Variants in TYW1 observed in about 807,000 individuals in gnomAD.
TYW1 encodes the protein S-adenosyl-L-methionine-dependent tRNA 4-demethylwyosine synthase TYW1.
Under a neutral mutation model 96.2 loss-of-function variants are expected in TYW1, and 46 were observed. The observed-to-expected ratio is 0.48, with a 90% confidence interval of 0.38 to 0.61. The LOEUF (loss-of-function observed/expected upper bound fraction) is 0.61. Ranked by LOEUF, TYW1 falls within the 20% of genes least tolerant of loss-of-function variation. TYW1 has a pLI of 0.00. For missense variants in TYW1, 684 were observed against 909.6 expected, an observed-to-expected ratio of 0.75 and a Z score of 3.19; for synonymous variants, 274 against 323.0, an observed-to-expected ratio of 0.85 and a Z score of 1.63.
At chr7:67,078,026 A>G (rs865912171) in intron 10 of TYW1, among the ~76,000 whole-genome samples, 5 of 151,800 alleles carry the variant, frequency 3.3e-5, no homozygotes, top group Non-Finnish European at 7.4e-5. Context: ...TGTTGAGTCT[A>G]TGTGTCTGTT....
chr7:67,063,068 T>A (rs1795746697), intron 9 of TYW1, among the ~76,000 whole-genome samples: 1 of 152,054 alleles, frequency 6.6e-6, no homozygotes, highest in Non-Finnish European at 1.5e-5. Context: ...CAAATTGAAT[T>A]CAGCCAAGTA....
At chr7:67,193,255 C>T (rs115344588) in intron 14 of TYW1, among the ~76,000 whole-genome samples, 10,068 of 152,176 alleles carry the variant, frequency 0.066, 429 homozygotes, top group South Asian at 0.11. Context: ...TCTAAATCAC[C>T]GGGCAAACTG....
chr7:67,127,412 G>A (rs180714405), intron 13 of TYW1, among the ~76,000 whole-genome samples: 3 of 152,030 alleles, frequency 2.0e-5, no homozygotes, highest in Admixed American at 1.3e-4. Flanking sequence ...CACCTGGCTC[G>A]GCCTCCCAAA....
chr7:67,144,460 C>T (rs187106782), intron 13 of TYW1, among the ~76,000 whole-genome samples: 51 of 149,726 alleles, frequency 3.4e-4, no homozygotes, highest in Admixed American at 1.3e-3. Flanking sequence ...TTTTCCACTA[C>T]AACATCTCTT....
At chr7:67,187,691 G>A (rs537804995) in intron 14 of TYW1, among the ~76,000 whole-genome samples, 1 of 152,258 alleles carries the variant, frequency 6.6e-6, no homozygotes, top group South Asian at 2.1e-4. Context: ...ATTTTAATTT[G>A]CATTTTAAAT....
At chr7:67,217,086 A>G (rs1236421514) in intron 15 of TYW1, among the ~76,000 whole-genome samples, 3 of 150,596 alleles carry the variant, frequency 2.0e-5, no homozygotes, top group African/African-American at 4.9e-5. Flanking sequence ...GTCCATTTCT[A>G]TATCTTCTTT....
chr7:67,071,153 A>G (rs558761243), intron 10 of TYW1, among the ~76,000 whole-genome samples: 1 of 151,608 alleles, frequency 6.6e-6, no homozygotes, highest in South Asian at 2.1e-4. Flanking sequence ...GAAACTGCAT[A>G]TTTTGATTAT....
At chr7:67,055,988 C>T in intron 9 of TYW1, 101 bp downstream of exon 9, 1 of 904,264 alleles carries the variant, frequency 1.1e-6, no homozygotes. Flanking sequence ...GTATAATTTA[C>T]ATTTAATTTG....
chr7:67,059,126 G>T (rs911943455), intron 9 of TYW1, among the ~76,000 whole-genome samples: 1 of 146,808 alleles, frequency 6.8e-6, no homozygotes, highest in Non-Finnish European at 1.5e-5. Flanking sequence ...TTGAGACAGG[G>T]TCTCGCTCTG....
At chr7:67,225,301 C>T (rs1188020696) in intron 15 of TYW1, among the ~76,000 whole-genome samples, 7 of 151,288 alleles carry the variant, frequency 4.6e-5, no homozygotes, top group Admixed American at 2.0e-4. Flanking sequence ...TGAACAAGTA[C>T]GTTGCACAGA....
At position 67,055,890 on chromosome 7, in the gene TYW1, A is replaced by AT. The variant is rs757559262; in HGVS notation, c.1155+11dup. On this transcript the variant is annotated splice_donor_region_variant and intron_variant, in intron 9 of 15. Transcript: ENST00000359626. The stretch of plus-strand genomic sequence containing the variant: ...TGAAGCTTTGCAGGTGGACAAAGGT[A>AT]TTTTTTTTGTTTTTATTCAATATGT... 3.3e-5 allele frequency: 53 copies of AT among 1,610,262 alleles called. No homozygotes were observed. The highest frequency in any genetic ancestry group is 1.6e-4 in the Middle Eastern group (1 of 6,074).
rs143503037 is a variant in TYW1 at position 67,197,570 on chromosome 7, C to T, written c.1977+2233C>T. Among the ~76,000 whole-genome samples, 149 of 152,312 alleles carry T rather than the reference C, an allele frequency of 9.8e-4. 4 individuals carry two copies. The highest frequency in any genetic ancestry group is 3.4e-3 in the African/African-American group (143 of 41,574). On this transcript the variant is annotated intron_variant, in intron 15 of 15. Coordinates refer to ENST00000359626, the MANE Select transcript of TYW1 (RefSeq NM_018264.4). ...CGACCTCCTGACCTCAAGTGATACA[C>T]CTGTCTCAGTCTCCCAAAGTGCTGG...
At chr7:67,211,139 C>T (rs1383477601) in intron 15 of TYW1, among the ~76,000 whole-genome samples, 2 of 139,666 alleles carry the variant, frequency 1.4e-5, no homozygotes, top group African/African-American at 5.5e-5. Flanking sequence ...TTTGCCATAC[C>T]CCCATCAACA....
chr7:67,153,700 T>A (rs1211799359), intron 13 of TYW1, among the ~76,000 whole-genome samples: 1 of 152,204 alleles, frequency 6.6e-6, no homozygotes, highest in Non-Finnish European at 1.5e-5. Flanking sequence ...TATCTATTTA[T>A]AATTTAGAAA....
intron 8 of TYW1, among the ~76,000 whole-genome samples, chr7:67,052,502 G>A (rs937926556): frequency 6.6e-6 from 1 of 151,992 alleles, no homozygotes; most frequent in African/African-American, 2.4e-5. Flanking sequence ...AGTTCAGTTT[G>A]GGTCTTTTTA....
rs370040706 is a variant in TYW1 at position 67,072,374 on chromosome 7, G to A, written c.1274+4971G>A. Among the ~76,000 whole-genome samples, 744 of 150,864 alleles carry A rather than the reference G, an allele frequency of 4.9e-3. 1 individual carries two copies. Among genetic ancestry groups the A allele is most frequent in the African/African-American group, 0.016 (643 of 40,554 alleles). On this transcript the variant is annotated intron_variant, in intron 10 of 15. Coordinates refer to ENST00000359626, the MANE Select transcript of TYW1 (RefSeq NM_018264.4). ...CCATTCTCCTGCCTCAGCCTCCTGAGTAGCTGGGATTACAGGTGCGTGCCA... is the reference window on the plus strand; with the variant it reads ...CCATTCTCCTGCCTCAGCCTCCTGAATAGCTGGGATTACAGGTGCGTGCCA...
At chr7:67,095,538 A>G (rs3107592) in intron 11 of TYW1, among the ~76,000 whole-genome samples, 10,511 of 151,720 alleles carry the variant, frequency 0.069, 424 homozygotes, top group Middle Eastern at 0.12. Flanking sequence ...TGCGCCTGTA[A>G]TCCCAGATAC....
intron 4 of TYW1, among the ~76,000 whole-genome samples, chr7:67,011,111 C>T (rs577858309): frequency 6.6e-6 from 1 of 152,222 alleles, no homozygotes; most frequent in East Asian, 1.9e-4. Flanking sequence ...GATCTTGGCT[C>T]ACTGCAACCT....
Position 67,168,152 on chromosome 7 carries a change from A to G in TYW1, c.1699-14974A>G, listed in dbSNP as rs192297326. On this transcript the variant is annotated intron_variant, in intron 13 of 15. Coordinates refer to ENST00000359626, the MANE Select transcript of TYW1 (RefSeq NM_018264.4). Reference sequence around the variant, plus strand: ...TCAATGGCTATTGGGTTTTTATCATATCATTTTTTTTGCGTCTATTGAGAT... The same window carrying G: ...TCAATGGCTATTGGGTTTTTATCATGTCATTTTTTTTGCGTCTATTGAGAT... 3.9e-3 allele frequency among the ~76,000 whole-genome samples: 529 copies of G among 136,790 alleles called. 6 individuals are homozygous for G. Among genetic ancestry groups the G allele is most frequent in the Non-Finnish European group, 5.4e-3 (343 of 63,458 alleles). 89.7% of individuals were successfully genotyped at this position (136,790 alleles called of 152,430 possible).
Sources: allele counts gnomAD v4.1 joint callset (sites outside exome capture counted in the v4.1 genomes callset), GRCh38; gene constraint gnomAD v4.1.1; transcripts MANE v1.5; gene names NCBI Gene and HGNC (gene_info 2026-07-23, HGNC 2026-07-21).